The following ST18 variants were observed in gnomAD, a reference collection of about 807,000 sequenced individuals.
ST18 encodes the protein ST18 C2H2C-type zinc finger transcription factor.
Under a neutral mutation model 110.0 loss-of-function variants are expected in ST18, and 50 were observed. The ratio of observed to expected loss-of-function variants is 0.45; its 90% CI spans 0.36 to 0.58. ST18 has a LOEUF of 0.58. Among genes scored for constraint, ST18 ranks in the 20% least tolerant of loss-of-function variants. The probability of loss-of-function intolerance (pLI) is 0.00; values close to 1 mark genes in which losing one functional copy is unlikely to be tolerated. For synonymous variants in ST18, 461 were observed against 452.4 expected (o/e 1.02, Z -0.24); for missense variants, 1,306 against 1,280.1 (o/e 1.02, Z -0.31).
At position 52,155,790 on chromosome 8, in the gene ST18, C is replaced by T. The variant is rs944949676; in HGVS notation, c.1806+3108G>A. ...TTTTACAAAGCACCAATTCAGATTG[C>T]CCATTAAGCTTGGAGTCTGTTGTGA... is the stretch of plus-strand genomic sequence containing the variant. On this transcript the variant is annotated intron_variant, in intron 15 of 25. Transcript: ENST00000689386. Among the ~76,000 whole-genome samples, 13 of 152,232 alleles carry T rather than the reference C, an allele frequency of 8.5e-5. No individual in the cohort carries two copies. The East Asian group carries it at 1.9e-3, about 23-fold the overall frequency.
intron 2 of ST18, among the ~76,000 whole-genome samples, chr8:52,243,510 A>G (rs1179435361): frequency 6.6e-6 from 1 of 152,134 alleles, no homozygotes; most frequent in Non-Finnish European, 1.5e-5. Context: ...ATTAAGGGAA[A>G]GGGTTTGGGG....
chr8:52,339,230 G>A (rs1452467702), intron 2 of ST18, among the ~76,000 whole-genome samples: 4 of 152,090 alleles, frequency 2.6e-5, no homozygotes, highest in Non-Finnish European at 5.9e-5. Flanking sequence ...AGCCCCAAGA[G>A]GCCATTCTCA....
Position 52,161,328 on chromosome 8 carries a change from T to C in ST18, c.1594+47A>G, listed in dbSNP as rs768624984. ...GGCCCCCAGTACACACATACACCCATACACAAGAAGCATTTTGGGGAAACG... is the reference window on the plus strand; with the variant it reads ...GGCCCCCAGTACACACATACACCCACACACAAGAAGCATTTTGGGGAAACG... On this transcript the variant is annotated intron_variant, in intron 14 of 25. Coordinates refer to ENST00000689386, the MANE Select transcript of ST18 (RefSeq NM_001352837.2). 1.0e-5 allele frequency: 16 copies of C among 1,589,670 alleles called. No homozygotes were observed. The East Asian group carries it at 2.2e-4, about 22-fold the overall frequency.
chr8:52,264,045 C>T (rs560807134), intron 2 of ST18, among the ~76,000 whole-genome samples: 6 of 152,044 alleles, frequency 3.9e-5, no homozygotes, highest in Admixed American at 2.6e-4. Context: ...GTGACCTGCC[C>T]GCCTTGGCCT....
chr8:52,214,097 G>T, intron 7 of ST18, 106 bp downstream of exon 7: 1 of 1,219,010 alleles, frequency 8.2e-7, no homozygotes, highest in South Asian at 1.4e-5. Flanking sequence ...AAGAAGCCCT[G>T]AGGAAGTTGT....
At chr8:52,174,543 A>G (rs1446694706) in intron 9 of ST18, among the ~76,000 whole-genome samples, 1 of 152,220 alleles carries the variant, frequency 6.6e-6, no homozygotes, top group East Asian at 1.9e-4. Flanking sequence ...TCTGTTGCTT[A>G]GCTACATAGT....
rs780792684 is a variant in ST18, at chr8:52,149,975, T to A, written c.1809A>T (p.Gly603=). Residue 603 remains glycine, a splice_region_variant and synonymous_variant, in exon 16 of 26, where the codon GGA becomes GGT. Coordinates refer to ENST00000689386, the MANE Select transcript of ST18 (RefSeq NM_001352837.2). ...SNKPQSLHAK[G]AEIEVDENGT... Reference sequence around the variant, plus strand: ...CATTTTCATCCACTTCTATTTCGGCTCCCTGGTATACAATAGGAAACAGAA... The same window carrying A: ...CATTTTCATCCACTTCTATTTCGGCACCCTGGTATACAATAGGAAACAGAA... 24 of 1,613,168 alleles carry A rather than the reference T, an allele frequency of 1.5e-5. No homozygotes were observed. The highest frequency in any genetic ancestry group is 1.9e-5 in the Non-Finnish European group (22 of 1,179,598).
At chr8:52,167,635 C>G (rs952763617) in intron 10 of ST18, among the ~76,000 whole-genome samples, 1 of 152,232 alleles carries the variant, frequency 6.6e-6, no homozygotes, top group Admixed American at 6.5e-5. Flanking sequence ...GGGGAAGAAG[C>G]TGCTGATCTC....
At position 52,159,130 on chromosome 8, in the gene ST18, T is replaced by C. The variant is rs963003566; in HGVS notation, c.1595-21A>G. On this transcript the variant is annotated intron_variant, in intron 14 of 25. Coordinates refer to ENST00000689386, the MANE Select transcript of ST18 (RefSeq NM_001352837.2). Reference sequence around the variant, plus strand: ...CTTTGCTGTTGAAGAGAGATTTGATTAGCAATTGCATGTACATGGTTTTAG... The same window carrying C: ...CTTTGCTGTTGAAGAGAGATTTGATCAGCAATTGCATGTACATGGTTTTAG... The C allele has an allele frequency of 4.4e-6, 7 of 1,607,148 alleles. No homozygotes were observed. In the African/African-American group the frequency reaches 8.0e-5, roughly 18 times the overall value.
chr8:52,301,041 T>C (rs912215781), intron 2 of ST18, among the ~76,000 whole-genome samples: 1 of 152,336 alleles, frequency 6.6e-6, no homozygotes, highest in Middle Eastern at 3.4e-3. Flanking sequence ...CTAGGAATGA[T>C]GACATTACCA....
chr8:52,366,691 G>C (rs575634020), intron 2 of ST18, among the ~76,000 whole-genome samples: 48 of 152,190 alleles, frequency 3.2e-4, no homozygotes, highest in African/African-American at 1.1e-3. Context: ...ACCCCCATCA[G>C]CCTCCTCACC....
chr8:52,380,380 T>A (rs992139741), intron 2 of ST18, among the ~76,000 whole-genome samples: 3 of 152,194 alleles, frequency 2.0e-5, no homozygotes, highest in Non-Finnish European at 4.4e-5. Context: ...ATTGTTTATG[T>A]CATCTGTAAG....
chr8:52,157,351 C>A (rs1040944916), intron 15 of ST18, among the ~76,000 whole-genome samples: 1 of 151,978 alleles, frequency 6.6e-6, no homozygotes, highest in Non-Finnish European at 1.5e-5. Context: ...AACCACTTAC[C>A]GTAGTCATTT....
At chr8:52,377,407 G>C (rs1832832384) in intron 2 of ST18, among the ~76,000 whole-genome samples, 1 of 152,186 alleles carries the variant, frequency 6.6e-6, no homozygotes, top group African/African-American at 2.4e-5. Context: ...TGGGCCAAAT[G>C]ATGGGAAGGA....
chr8:52,146,773 CTG>C (rs1375879246), intron 16 of ST18, among the ~76,000 whole-genome samples: 3 of 152,106 alleles, frequency 2.0e-5, no homozygotes, highest in African/African-American at 7.2e-5. Context: ...GTGAAAAATA[CTG>C]TTAGTAGATT....
At chr8:52,224,843 A>T (rs973831415) in intron 3 of ST18, among the ~76,000 whole-genome samples, 5 of 152,242 alleles carry the variant, frequency 3.3e-5, no homozygotes, top group African/African-American at 1.2e-4. Context: ...TTTTGAAAGA[A>T]TAAAATTTGT....
intron 8 of ST18, among the ~76,000 whole-genome samples, chr8:52,209,776 A>ATATATATAT (rs1196733238): frequency 3.8e-5 from 5 of 131,096 alleles, no homozygotes; most frequent in Middle Eastern, 3.8e-3. Context: ...ATCTCAAAAA[A>ATATATATAT]AAAAAAAAAA....
intron 15 of ST18, among the ~76,000 whole-genome samples, chr8:52,152,172 A>G (rs2058978822): frequency 6.6e-6 from 1 of 152,232 alleles, no homozygotes; most frequent in South Asian, 2.1e-4. Flanking sequence ...AGCAGGGTAC[A>G]GATGGGCCTT....
intron 14 of ST18, 125 bp from the exon 15 acceptor site, chr8:52,159,234 A>G (rs1018815822): frequency 2.3e-6 from 2 of 877,532 alleles, no homozygotes; most frequent in African/African-American, 1.7e-5. Flanking sequence ...AACACGTTCC[A>G]TTATCCATGG....
Sources: allele counts gnomAD v4.1 joint callset (sites outside exome capture counted in the v4.1 genomes callset), GRCh38; gene constraint gnomAD v4.1.1; transcripts MANE v1.5; gene names NCBI Gene and HGNC (gene_info 2026-07-23, HGNC 2026-07-21).